Variants in KLF17 observed in about 807,000 individuals in gnomAD.
KLF17 encodes KLF transcription factor 17.
A neutral mutation model predicts 34.2 loss-of-function variants in KLF17; 31 were observed. That is an observed-to-expected ratio of 0.91 (90% CI 0.68 to 1.22). The LOEUF (loss-of-function observed/expected upper bound fraction) is 1.22. Among genes scored for constraint, KLF17 ranks in the 50% most tolerant of loss-of-function variants. The pLI, the probability that KLF17 is intolerant of heterozygous loss-of-function variation, is 0.00. For missense variants in KLF17, 478 were observed against 505.2 expected, an observed-to-expected ratio of 0.95 and a Z score of 0.52; for synonymous variants, 179 against 186.7, an observed-to-expected ratio of 0.96 and a Z score of 0.34.
chr1:44,111,470 T>TTTG, the KLF17 span, among the ~76,000 whole-genome samples: 4 of 151,026 alleles, frequency 2.6e-5, no homozygotes, highest in African/African-American at 9.7e-5. Context: ...CTTGTTTTTT[T>TTTG]TTTTTTTTTT....
At chr1:44,072,918 AAGG>A in the KLF17 span, among the ~76,000 whole-genome samples, 1 of 152,106 alleles carries the variant, frequency 6.6e-6, no homozygotes, top group African/African-American at 2.4e-5. Flanking sequence ...TAGGTGTTTG[AAGG>A]AGGAGGAAGT....
chr1:44,102,956 G>A, the KLF17 span, among the ~76,000 whole-genome samples: 2 of 152,158 alleles, frequency 1.3e-5, no homozygotes, highest in Non-Finnish European at 2.9e-5. Flanking sequence ...ACAGGTAAAT[G>A]AGAAAAATAA....
chr1:44,082,240 T>G, the KLF17 span, among the ~76,000 whole-genome samples: 1 of 152,194 alleles, frequency 6.6e-6, no homozygotes, highest in Non-Finnish European at 1.5e-5. Context: ...ATTGGGTAAT[T>G]GAGCAACTGA....
In KLF17 at chr1:44,130,531, C is replaced by A. The variant is rs2088095279; in HGVS notation, c.945C>A (p.Cys315Ter). 1 of 1,614,032 alleles carries A rather than the reference C, an allele frequency of 6.2e-7. No individual in the cohort carries two copies. The highest frequency in any genetic ancestry group is 8.5e-7 in the Non-Finnish European group (1 of 1,180,022). ...RKHTGERPYS[C>*]NWESCSWSFF... ...TCCCAGGTGAGAGGCCATATTCTTG[C>A]AACTGGGAAAGTTGTTCATGGTCTT... The change falls in exon 3 of 4, where the codon TGC becomes TGA. Residue 315 changes from cysteine to a stop codon, truncating the protein, a stop_gained. Transcript: ENST00000372299. LOFTEE classifies it high-confidence loss of function.
At chr1:44,109,897 C>CTTTTTTTTTT in the KLF17 span, among the ~76,000 whole-genome samples, 1 of 77,192 alleles carries the variant, frequency 1.3e-5, no homozygotes, top group Non-Finnish European at 2.4e-5. Context: ...CTTTTTTATA[C>CTTTTTTTTTT]TTTTTTTTTT....
chr1:44,105,296 C>A, the KLF17 span: 17 of 151,644 alleles, frequency 1.1e-4, no homozygotes, highest in Non-Finnish European at 5.9e-5. Context: ...TGGGTAAATT[C>A]TAATTTTTGA....
chr1:44,072,319 T>TAA, the KLF17 span, among the ~76,000 whole-genome samples: 1 of 152,060 alleles, frequency 6.6e-6, no homozygotes, highest in Non-Finnish European at 1.5e-5. Flanking sequence ...AGTCAGGTCT[T>TAA]AAGAGTCTGG....
the KLF17 span, among the ~76,000 whole-genome samples, chr1:44,087,015 A>G: frequency 6.6e-6 from 1 of 152,234 alleles, no homozygotes; most frequent in Non-Finnish European, 1.5e-5. Flanking sequence ...TTCTTCAGCC[A>G]TATTCGGCAG....
the KLF17 span, among the ~76,000 whole-genome samples, chr1:44,052,742 G>A: frequency 1.1e-4 from 17 of 152,216 alleles, 1 homozygote; most frequent in East Asian, 3.3e-3. Flanking sequence ...CTAGACATGG[G>A]GCAGCAGAGA....
chr1:44,122,826 T>C (rs1177924009), intron 1 of KLF17, among the ~76,000 whole-genome samples: 1 of 152,188 alleles, frequency 6.6e-6, no homozygotes, highest in Non-Finnish European at 1.5e-5. Context: ...CTTGAACTCC[T>C]GACCTCAAGT....
chr1:44,097,607 TA>T, the KLF17 span, among the ~76,000 whole-genome samples: 53 of 151,514 alleles, frequency 3.5e-4, no homozygotes, highest in African/African-American at 1.0e-3. Context: ...AGAATGAAAT[TA>T]AAAAAAAATT....
At chr1:44,101,615 G>A in the KLF17 span, 4 of 152,086 alleles carry the variant, frequency 2.6e-5, no homozygotes, top group Non-Finnish European at 4.4e-5. Context: ...GGAGACACAT[G>A]GTATCTATTT....
At chr1:44,127,356 A>T (rs986351517) in intron 1 of KLF17, among the ~76,000 whole-genome samples, 1 of 152,130 alleles carries the variant, frequency 6.6e-6, no homozygotes, top group Non-Finnish European at 1.5e-5. Context: ...AAGCCCGTCC[A>T]GTGTCCCTTT....
the KLF17 span, among the ~76,000 whole-genome samples, chr1:44,095,247 C>T: frequency 2.5e-5 from 3 of 119,362 alleles, no homozygotes; most frequent in East Asian, 5.0e-4. Context: ...CAGAGTTTTG[C>T]TCTTATTGCC....
At chr1:44,123,263 T>C (rs1458539197) in intron 1 of KLF17, among the ~76,000 whole-genome samples, 1 of 152,126 alleles carries the variant, frequency 6.6e-6, no homozygotes, top group Non-Finnish European at 1.5e-5. Flanking sequence ...GGTCTCACCA[T>C]GTTGCCCTGG....
At chr1:44,087,755 TATATATATATATATACAC>T in the KLF17 span, among the ~76,000 whole-genome samples, 10,927 of 66,808 alleles carry the variant, frequency 0.16, 553 homozygotes, top group Admixed American at 0.18. Flanking sequence ...TATATATATA[TATATATATATATATACAC>T]ACACACACAC....
the KLF17 span, among the ~76,000 whole-genome samples, chr1:44,085,200 C>T: frequency 3.3e-5 from 5 of 152,056 alleles, no homozygotes; most frequent in East Asian, 3.9e-4. Context: ...CAGGCAAAAA[C>T]GCCTTCCCTC....
chr1:44,118,602 G>A (rs1488276153), upstream of KLF17, among the ~76,000 whole-genome samples: 1 of 152,180 alleles, frequency 6.6e-6, no homozygotes, highest in Non-Finnish European at 1.5e-5. Flanking sequence ...CTCAGACTGA[G>A]GGGTGGAATG....
At chr1:44,129,021 G>GAA (rs113210256) in intron 1 of KLF17, among the ~76,000 whole-genome samples, 25 of 144,754 alleles carry the variant, frequency 1.7e-4, no homozygotes, top group African/African-American at 5.0e-4. Flanking sequence ...TCAATAAAAA[G>GAA]AAAAAAAAAA....
Sources: gnomAD v4.1 joint callset for allele counts (sites outside exome capture counted in the v4.1 genomes callset) on GRCh38, gnomAD v4.1.1 for gene constraint, MANE v1.5 for transcripts, NCBI Gene and HGNC (gene_info 2026-07-23, HGNC 2026-07-21) for gene names.